Variants in TMEM126B observed in about 807,000 individuals in gnomAD.
The protein encoded by TMEM126B is complex I assembly factor TMEM126B, mitochondrial.
TMEM126B carries 19 observed loss-of-function variants against 16.5 expected under a neutral mutation model. That is an observed-to-expected ratio of 1.15 (90% CI 0.80 to 1.69). The LOEUF is 1.69. Ranked by LOEUF, TMEM126B falls within the 40% of genes most tolerant of loss-of-function variation. The pLI, the probability that TMEM126B is intolerant of heterozygous loss-of-function variation, is 0.00. For missense variants in TMEM126B, 293 were observed against 278.7 expected (o/e 1.05, Z -0.37); for synonymous variants, 104 against 93.2 (o/e 1.12, Z -0.67).
At chr11:85,631,909 C>T (rs2082307596) in intron 2 of TMEM126B, 101 bp downstream of exon 2, 1 of 1,257,628 alleles carries the variant, frequency 8.0e-7, no homozygotes, top group African/African-American at 1.6e-5. Context: ...TTTCTGTTAT[C>T]TAAGATCCTA....
In TMEM126B at chr11:85,628,653, G is replaced by T; in HGVS notation, c.46G>T (p.Gly16Cys). The T allele has an allele frequency of 6.5e-7, 1 of 1,536,206 alleles. No homozygotes were observed. The highest frequency in any genetic ancestry group is 8.7e-7 in the Non-Finnish European group (1 of 1,146,924). Residue 16 changes from glycine to cysteine, a missense_variant, in exon 1 of 5, where the codon GGT becomes TGT. Coordinates refer to ENST00000358867, the MANE Select transcript of TMEM126B (RefSeq NM_018480.7). ...GGCTGGGACTAAGCCAAGGGATTCA[G>T]GTGTGGTGCCGGTGGGAACTGAGGA... ...YEAGTKPRDSGVVPVGTEEAP... is the reference protein window; with the variant it reads ...YEAGTKPRDSCVVPVGTEEAP...
chr11:85,631,702 G>C lies in TMEM126B; in HGVS notation c.97G>C (p.Ala33Pro). 1 of 1,610,238 alleles carries C rather than the reference G, an allele frequency of 6.2e-7. No individual in the cohort carries two copies. The highest frequency in any genetic ancestry group is 1.7e-4 in the Middle Eastern group (1 of 6,050). Residue 33 changes from alanine (A) to proline (P), a missense_variant, in exon 2 of 5, where the codon GCA becomes CCA. Transcript: ENST00000358867. ...TTTTTTCCAGGTTTTCAAGATGGCA[G>C]CATCTATGCATGGTCAGCCCAGTCC... Reference protein sequence around the residue: ...EEAPKVFKMAASMHGQPSPSL... With the variant: ...EEAPKVFKMAPSMHGQPSPSL...
chr11:85,633,350 T>C (rs1421954897), intron 2 of TMEM126B, among the ~76,000 whole-genome samples: 1 of 152,228 alleles, frequency 6.6e-6, no homozygotes, highest in Non-Finnish European at 1.5e-5. Flanking sequence ...ATGGTATTTC[T>C]AGTTCTAGAT....
intron 1 of TMEM126B, among the ~76,000 whole-genome samples, chr11:85,629,517 C>G (rs937260740): frequency 1.3e-5 from 2 of 152,108 alleles, no homozygotes; most frequent in Admixed American, 6.5e-5. Flanking sequence ...TATTTGCTGT[C>G]CTGTAATCAT....
In TMEM126B at chr11:85,632,909, A is replaced by G. The variant is rs867722268; in HGVS notation, c.203+1101A>G. 8.0e-4 allele frequency among the ~76,000 whole-genome samples: 121 copies of G among 152,162 alleles called. 1 individual carries two copies. The highest frequency in any genetic ancestry group is 3.4e-3 in the Middle Eastern group (1 of 294). On this transcript the variant is annotated intron_variant, in intron 2 of 4. Coordinates refer to ENST00000358867, the MANE Select transcript of TMEM126B (RefSeq NM_018480.7). ...GCTGGTGTGCTGCACCCATTAACTC[A>G]TCATTTAGCATTAGGTAGATCTCCT...
chr11:85,632,289 G>A (rs1245209039), intron 2 of TMEM126B, among the ~76,000 whole-genome samples: 3 of 152,046 alleles, frequency 2.0e-5, no homozygotes, highest in Admixed American at 6.6e-5. Context: ...TGTCACCCAG[G>A]CTGGAGTGCA....
rs763155508 is a variant in TMEM126B at position 85,629,104 on chromosome 11, C to G, written c.81+416C>G. 5.7e-5 allele frequency: 39 copies of G among 680,556 alleles called. No homozygotes were observed. Among genetic ancestry groups the G allele is most frequent in the Non-Finnish European group, 7.6e-5 (33 of 432,272 alleles). 42.2% of individuals were successfully genotyped at this position (680,556 alleles called of 1,614,324 possible). On this transcript the variant is annotated intron_variant, in intron 1 of 4. Coordinates refer to ENST00000358867, the MANE Select transcript of TMEM126B (RefSeq NM_018480.7). Reference sequence around the variant, plus strand: ...GTTGTTGGGTTTTTCGTTTATGTCACTCTCTCATTCTGTGTTTAAATTGCC... The same window carrying G: ...GTTGTTGGGTTTTTCGTTTATGTCAGTCTCTCATTCTGTGTTTAAATTGCC...
chr11:85,631,922 C>A (rs866614389), intron 2 of TMEM126B, 114 bp downstream of exon 2: 32 of 1,104,778 alleles, frequency 2.9e-5, no homozygotes, highest in Middle Eastern at 6.1e-4. Context: ...AGATCCTATT[C>A]TTTGAGTTGG....
In TMEM126B at chr11:85,636,467, C is replaced by T. The variant is rs2082406727; in HGVS notation, c.*238C>T. The T allele has an allele frequency of 7.6e-6, 2 of 261,746 alleles. No homozygotes were observed. Among genetic ancestry groups the T allele is most frequent in the Non-Finnish European group, 1.4e-5 (2 of 138,944 alleles). The allele number at this position is 261,746 out of a possible 1,614,324, so 16.2% of individuals were successfully genotyped here. A position where few individuals can be genotyped will look rare whatever the true frequency, so the allele number is the denominator to read the frequency against. ...TGTGTCCATTTTGCCTGGTATATAA[C>T]AGATAATAAATATCCAGTGTCAATA... On this transcript the variant is annotated 3_prime_UTR_variant, in exon 5 of 5. Transcript: ENST00000358867.
chr11:85,629,443 CTT>C (rs1339381366), intron 1 of TMEM126B, among the ~76,000 whole-genome samples: 1 of 152,148 alleles, frequency 6.6e-6, no homozygotes, highest in Non-Finnish European at 1.5e-5. Context: ...GCACTGGAGT[CTT>C]TGACAGTGCC....
chr11:85,631,656 G>T, intron 1 of TMEM126B, 31 bp from the exon 2 acceptor site: 1 of 1,587,038 alleles, frequency 6.3e-7, no homozygotes, highest in Non-Finnish European at 8.5e-7. Flanking sequence ...AATATCATTA[G>T]CTATTATGGC....
At chr11:85,628,805 C>A in intron 1 of TMEM126B, 117 bp downstream of exon 1, 4 of 1,018,942 alleles carry the variant, frequency 3.9e-6, no homozygotes, top group East Asian at 2.6e-5. Context: ...GCTCCCAAGT[C>A]CATGCAAGGA....
chr11:85,631,866 C>T (rs901575900), intron 2 of TMEM126B, 58 bp downstream of exon 2: 3 of 1,512,314 alleles, frequency 2.0e-6, no homozygotes, highest in Non-Finnish European at 1.8e-6. Context: ...TTTTGTATTG[C>T]CATTGTTTCT....
chr11:85,636,242 A>G lies in TMEM126B; in HGVS notation c.*13A>G, dbSNP rs755672869. The G allele has an allele frequency of 1.4e-6, 2 of 1,459,624 alleles. No homozygotes were observed. The highest frequency in any genetic ancestry group is 2.4e-5 in the East Asian group (1 of 40,818). The allele number at this position is 1,459,624 out of a possible 1,614,324, so 90.4% of individuals were successfully genotyped here. ...ACATGAAGAGTAACCAAAAAAATGA[A>G]TGGTTGCTAACTTAGCAAAATGAAG... is the stretch of plus-strand genomic sequence containing the variant. On this transcript the variant is annotated 3_prime_UTR_variant, in exon 5 of 5. Transcript: ENST00000358867.
chr11:85,635,662 T>C lies in TMEM126B; in HGVS notation c.398-5T>C. 2 of 1,599,632 alleles carry C rather than the reference T, an allele frequency of 1.3e-6. No homozygotes were observed. The highest frequency in any genetic ancestry group is 1.7e-6 in the Non-Finnish European group (2 of 1,175,106). On this transcript the variant is annotated splice_polypyrimidine_tract_variant and splice_region_variant and intron_variant, in intron 3 of 4. Coordinates refer to ENST00000358867, the MANE Select transcript of TMEM126B (RefSeq NM_018480.7). ...AGGAAAACCAAATTTACTTTTGTTTTCCAGATAATATAAGCAAGGAAAACT... is the reference window on the plus strand; with the variant it reads ...AGGAAAACCAAATTTACTTTTGTTTCCCAGATAATATAAGCAAGGAAAACT...
Position 85,636,348 on chromosome 11 carries a change from G to A in TMEM126B, c.*119G>A. 1 of 639,756 alleles carries A rather than the reference G, an allele frequency of 1.6e-6. No individual in the cohort carries two copies. Among genetic ancestry groups the A allele is most frequent in the Non-Finnish European group, 2.4e-6 (1 of 418,834 alleles). 39.6% of individuals were successfully genotyped at this position (639,756 alleles called of 1,614,324 possible). ...ATAATTTGTTCTGTGCCTTTTGCCT[G>A]GTATATAGCAAATACTCAAAAAGTA... On this transcript the variant is annotated 3_prime_UTR_variant, in exon 5 of 5. Transcript: ENST00000358867.
chr11:85,629,314 T>G, intron 1 of TMEM126B: 1 of 1,096,592 alleles, frequency 9.1e-7, no homozygotes, highest in Non-Finnish European at 1.2e-6. Context: ...ATAATACACA[T>G]GAAAGCACTA....
intron 2 of TMEM126B, among the ~76,000 whole-genome samples, chr11:85,633,438 A>G (rs966138329): frequency 3.3e-5 from 5 of 152,152 alleles, no homozygotes; most frequent in Non-Finnish European, 5.9e-5. Context: ...AAGTGTTCCT[A>G]TTTCTCCACA....
rs781414986 is a variant in TMEM126B, at chr11:85,631,774, A to G, written c.169A>G (p.Ile57Val). The G allele has an allele frequency of 9.9e-6, 16 of 1,612,178 alleles. No homozygotes were observed. The highest frequency in any genetic ancestry group is 5.9e-6 in the Non-Finnish European group (7 of 1,179,486). Residue 57 changes from isoleucine (I) to valine (V), a missense_variant, in exon 2 of 5, where the codon ATA (isoleucine) becomes GTA (valine). Ile to Val is a conservative substitution (Grantham distance 29, BLOSUM62 3). Transcript: ENST00000358867. Reference protein sequence around the residue: ...KLRRPMVIEIIEKNFDYLRKE... With the variant: ...KLRRPMVIEIVEKNFDYLRKE... ...CAGAAGACCAATGGTCATAGAAATC[A>G]TAGAAAAAAATTTTGACTATCTTAG...
Sources: gnomAD v4.1 joint callset for allele counts (sites outside exome capture counted in the v4.1 genomes callset) on GRCh38, gnomAD v4.1.1 for gene constraint, MANE v1.5 for transcripts, NCBI Gene and HGNC (gene_info 2026-07-23, HGNC 2026-07-21) for gene names.